The following ESR1 variants were observed in gnomAD, a reference collection of about 807,000 sequenced individuals.
ESR1 encodes estrogen receptor.
Under a neutral mutation model 52.7 loss-of-function variants are expected in ESR1, and 12 were observed. The ratio of observed to expected loss-of-function variants is 0.23; its 90% CI spans 0.15 to 0.37. ESR1 has a LOEUF of 0.37. ESR1 is among the 10% of genes least tolerant of loss of function. The probability of loss-of-function intolerance (pLI) is 1.00; values close to 1 mark genes in which losing one functional copy is unlikely to be tolerated. For missense variants in ESR1, 584 were observed against 779.7 expected, an observed-to-expected ratio of 0.75 and a Z score of 2.99; for synonymous variants, 305 against 316.8, an observed-to-expected ratio of 0.96 and a Z score of 0.39.
chr6:152,109,690 C>T (rs757076753), intron 6 of ESR1, among the ~76,000 whole-genome samples: 4 of 151,948 alleles, frequency 2.6e-5, no homozygotes, highest in Non-Finnish European at 5.9e-5. Flanking sequence ...CTGTCTCAAA[C>T]GATAACAACA....
chr6:151,906,427 A>G (rs1335927089), intron 3 of ESR1, among the ~76,000 whole-genome samples: 1 of 152,004 alleles, frequency 6.6e-6, no homozygotes, highest in African/African-American at 2.4e-5. Context: ...AAATAAGTTG[A>G]TAGTGAATTT....
At chr6:151,907,141 T>TCTTTGACTTTATAATC (rs1193770197) in intron 3 of ESR1, among the ~76,000 whole-genome samples, 1 of 152,120 alleles carries the variant, frequency 6.6e-6, no homozygotes, top group Non-Finnish European at 1.5e-5. Flanking sequence ...AATTTCTGTG[T>TCTTTGACTTTATAATC]CTTTATAATT....
upstream of ESR1, among the ~76,000 whole-genome samples, chr6:151,685,947 A>G (rs925616685): frequency 1.3e-5 from 2 of 152,150 alleles, no homozygotes; most frequent in African/African-American, 2.4e-5. Flanking sequence ...TCTGTCACTC[A>G]GGCAAAAGTG....
At position 151,944,245 on chromosome 6, in the gene ESR1, G is replaced by T. The variant is rs756555894; in HGVS notation, c.833G>T (p.Gly278Val). 276 of 1,614,078 alleles carry T rather than the reference G, an allele frequency of 1.7e-4. No individual in the cohort carries two copies. Among genetic ancestry groups the T allele is most frequent in the Non-Finnish European group, 2.2e-4 (264 of 1,180,036 alleles). ...KRQRDDGEGRGEVGSAGDMRA... is the reference protein window; with the variant it reads ...KRQRDDGEGRVEVGSAGDMRA... Reference sequence around the variant, plus strand: ...CAGAGAGATGATGGGGAGGGCAGGGGTGAAGTGGGGTCTGCTGGAGACATG... The same window carrying T: ...CAGAGAGATGATGGGGAGGGCAGGGTTGAAGTGGGGTCTGCTGGAGACATG... Residue 278 changes from glycine (G) to valine (V), a missense_variant, in exon 4 of 8, where the codon GGT (glycine) becomes GTT (valine). Around this residue, in one of 6 missense-constraint regions of ESR1, gnomAD observed 88 missense variants for 88.3 expected, o/e 1.00. Transcript: ENST00000206249.
At chr6:151,840,984 C>T (rs572719623) in intron 1 of ESR1, among the ~76,000 whole-genome samples, 76 of 152,278 alleles carry the variant, frequency 5.0e-4, no homozygotes, top group African/African-American at 1.8e-3. Context: ...AACATCTACT[C>T]CTATGTCTGG....
intron 2 of ESR1, among the ~76,000 whole-genome samples, chr6:151,877,477 A>C (rs1792051897): frequency 6.6e-6 from 1 of 152,240 alleles, no homozygotes; most frequent in South Asian, 2.1e-4. Context: ...GCTTTGTCAC[A>C]AAAGGTTTGC....
intron 2 of ESR1, among the ~76,000 whole-genome samples, chr6:151,735,354 A>C (rs1782566737): frequency 6.6e-6 from 1 of 152,204 alleles, no homozygotes; most frequent in African/African-American, 2.4e-5. Flanking sequence ...AGTCTCCCAC[A>C]GAGAGTTGGT....
intron 2 of ESR1, among the ~76,000 whole-genome samples, chr6:151,789,673 T>C (rs1419263512): frequency 3.9e-5 from 6 of 152,226 alleles, no homozygotes; most frequent in African/African-American, 1.4e-4. Context: ...TGGTCATTTC[T>C]AAGTCATAAA....
At chr6:151,694,209 A>G (rs1779154766) in intron 1 of ESR1, among the ~76,000 whole-genome samples, 2 of 152,238 alleles carry the variant, frequency 1.3e-5, no homozygotes, top group Admixed American at 1.3e-4. Flanking sequence ...TGACAGCCCT[A>G]GGACTTGAAG....
At chr6:152,058,519 C>G (rs764514878) in intron 5 of ESR1, among the ~76,000 whole-genome samples, 6 of 152,226 alleles carry the variant, frequency 3.9e-5, no homozygotes, top group Non-Finnish European at 5.9e-5. Context: ...GTGTGCCACA[C>G]TCCATTCTAA....
chr6:151,738,547 T>C (rs184584364), intron 2 of ESR1, among the ~76,000 whole-genome samples: 1 of 152,322 alleles, frequency 6.6e-6, no homozygotes, highest in East Asian at 1.9e-4. Context: ...GGTGTTATTT[T>C]TGACAGTAGC....
Position 151,985,530 on chromosome 6 carries a change from A to AC in ESR1, c.1097-26126_1097-26125insC, listed in dbSNP as rs1562633010. On this transcript the variant is annotated intron_variant, in intron 4 of 7. Transcript: ENST00000206249. ...CTCAAAAAAAAAAAAAAAAAAAAAA[A>AC]AAACACAAACAAAAAAAAAAAAGAA... Among the ~76,000 whole-genome samples, 53 of 134,880 alleles carry AC rather than the reference A, an allele frequency of 3.9e-4. 2 individuals are homozygous for AC. The highest frequency in any genetic ancestry group is 1.6e-3 in the African/African-American group (51 of 31,734). 88.5% of individuals were successfully genotyped at this position (134,880 alleles called of 152,430 possible).
intron 4 of ESR1, among the ~76,000 whole-genome samples, chr6:151,978,530 C>T (rs1032531654): frequency 2.0e-5 from 3 of 151,930 alleles, no homozygotes; most frequent in Admixed American, 1.3e-4. Context: ...CTACAATTTG[C>T]AAGAAAAAGT....
chr6:151,807,736 G>C lies in ESR1; in HGVS notation c.-177G>C. The C allele has an allele frequency of 1.5e-6, 1 of 688,680 alleles. No individual in the cohort carries two copies. Among genetic ancestry groups the C allele is most frequent in the African/African-American group, 1.8e-5 (1 of 56,904 alleles). 42.7% of individuals were successfully genotyped at this position (688,680 alleles called of 1,614,324 possible). On this transcript the variant is annotated 5_prime_UTR_variant, in exon 1 of 8. Coordinates refer to ENST00000206249, the MANE Select transcript of ESR1 (RefSeq NM_000125.4). ...GCACTTGCTCCCGTCGGGTCGCCCG[G>C]CTTCACCGGACCCGCAGGCTCCCGG... is the stretch of plus-strand genomic sequence containing the variant.
chr6:151,873,602 C>T (rs1292951585), intron 2 of ESR1, among the ~76,000 whole-genome samples: 2 of 152,166 alleles, frequency 1.3e-5, no homozygotes, highest in Non-Finnish European at 2.9e-5. Context: ...ACTATTTTCC[C>T]AAATGTTACA....
chr6:151,893,073 C>T (rs1356322140), intron 3 of ESR1, among the ~76,000 whole-genome samples: 2 of 152,182 alleles, frequency 1.3e-5, no homozygotes, highest in Non-Finnish European at 2.9e-5. Flanking sequence ...CGCCTGTAGT[C>T]GCAGCTACTC....
In ESR1 at chr6:151,659,966, T is replaced by C. The variant is rs144081323; in HGVS notation, n.73+3203T>C. 2.7e-3 allele frequency among the ~76,000 whole-genome samples: 405 copies of C among 152,302 alleles called. 2 individuals are homozygous for C. Among genetic ancestry groups the C allele is most frequent in the African/African-American group, 9.2e-3 (383 of 41,580 alleles). ...GTGTGAAAGATATCTTTATTTAATATGGTAAAAAGAACACAGGAATTGCTA... is the reference window on the plus strand; with the variant it reads ...GTGTGAAAGATATCTTTATTTAATACGGTAAAAAGAACACAGGAATTGCTA... On this transcript the variant is annotated intron_variant and non_coding_transcript_variant, in intron 1 of 2. Transcript: ENST00000473497.
At chr6:151,774,191 G>T (rs1311198970) in intron 2 of ESR1, among the ~76,000 whole-genome samples, 4 of 152,138 alleles carry the variant, frequency 2.6e-5, no homozygotes, top group Non-Finnish European at 4.4e-5. Context: ...GTTTGTAAAA[G>T]GTACTGGCAA....
At chr6:151,775,369 T>C (rs1352918496) in intron 2 of ESR1, among the ~76,000 whole-genome samples, 2 of 152,176 alleles carry the variant, frequency 1.3e-5, no homozygotes, top group Non-Finnish European at 2.9e-5. Context: ...TTCAGTGTCA[T>C]CTTGGCCCTC....
Sources: gnomAD v4.1 joint callset for allele counts (sites outside exome capture counted in the v4.1 genomes callset) on GRCh38, gnomAD v4.1.1 for gene constraint, gnomAD v4.1.1 regional missense constraint, MANE v1.5 for transcripts, NCBI Gene and HGNC (gene_info 2026-07-23, HGNC 2026-07-21) for gene names.